SIPA1L1: variants seen among roughly 807,000 people sequenced by gnomAD.
SIPA1L1 encodes the protein signal induced proliferation associated 1 like 1.
SIPA1L1 carries 26 observed loss-of-function variants against 162.7 expected under a neutral mutation model. That is an observed-to-expected ratio of 0.16 (90% confidence interval 0.12 to 0.22). The LOEUF (loss-of-function observed/expected upper bound fraction) is 0.22. Among genes scored for constraint, SIPA1L1 ranks in the 10% least tolerant of loss-of-function variants. The pLI is 1.00. For synonymous variants in SIPA1L1, 829 were observed against 837.4 expected, an observed-to-expected ratio of 0.99 and a Z score of 0.17; for missense variants, 1,874 against 2,241.0, an observed-to-expected ratio of 0.84 and a Z score of 3.31.
chr14:71,454,876 G>A (rs1471859362), intron 2 of SIPA1L1, among the ~76,000 whole-genome samples: 1 of 152,148 alleles, frequency 6.6e-6, no homozygotes, highest in African/African-American at 2.4e-5. Flanking sequence ...CCCTTTATCT[G>A]CCCTTTTACT....
At chr14:71,699,832 A>C (rs2081949436) in intron 14 of SIPA1L1, among the ~76,000 whole-genome samples, 1 of 152,226 alleles carries the variant, frequency 6.6e-6, no homozygotes, top group Non-Finnish European at 1.5e-5. Flanking sequence ...CCTGCCCTGG[A>C]AAGAACTGGA....
intron 2 of SIPA1L1, among the ~76,000 whole-genome samples, chr14:71,471,188 G>T (rs1040284190): frequency 6.6e-6 from 1 of 152,006 alleles, no homozygotes; most frequent in Non-Finnish European, 1.5e-5. Context: ...AGTGGGAATT[G>T]GGCCAGGTGC....
chr14:71,436,865 A>G (rs949221764), intron 2 of SIPA1L1, among the ~76,000 whole-genome samples: 2 of 151,238 alleles, frequency 1.3e-5, no homozygotes, highest in African/African-American at 4.9e-5. Context: ...CCCGGGTTCA[A>G]GTGATTCTCC....
intron 16 of SIPA1L1, among the ~76,000 whole-genome samples, chr14:71,706,836 C>G (rs575860767): frequency 6.6e-6 from 1 of 152,018 alleles, no homozygotes; most frequent in Non-Finnish European, 1.5e-5. Flanking sequence ...GAGTTTGAGA[C>G]CAGCCTAGCC....
At chr14:71,642,840 T>C (rs925047027) in intron 7 of SIPA1L1, among the ~76,000 whole-genome samples, 3 of 152,068 alleles carry the variant, frequency 2.0e-5, no homozygotes, top group African/African-American at 7.2e-5. Flanking sequence ...AGAAAAGCTT[T>C]GTATTTATGG....
intron 2 of SIPA1L1, among the ~76,000 whole-genome samples, chr14:71,498,628 CA>C (rs2049969849): frequency 6.6e-6 from 1 of 152,170 alleles, no homozygotes; most frequent in Non-Finnish European, 1.5e-5. Flanking sequence ...GCTGAATAAA[CA>C]GTATTCCATG....
intron 8 of SIPA1L1, among the ~76,000 whole-genome samples, chr14:71,655,305 T>C (rs2042965826): frequency 6.6e-6 from 1 of 152,176 alleles, no homozygotes; most frequent in Non-Finnish European, 1.5e-5. Context: ...ATGATGATGT[T>C]CTTTTTTATG....
chr14:71,737,501 A>G (rs2085407667), intron 22 of SIPA1L1, among the ~76,000 whole-genome samples: 3 of 152,080 alleles, frequency 2.0e-5, no homozygotes, highest in African/African-American at 7.2e-5. Context: ...CCTCAGCCAT[A>G]GGACCCTCGG....
chr14:71,401,844 GT>G (rs755393618), intron 2 of SIPA1L1, among the ~76,000 whole-genome samples: 9 of 151,936 alleles, frequency 5.9e-5, no homozygotes, highest in Non-Finnish European at 1.2e-4. Flanking sequence ...TTATTTGTGT[GT>G]TTTTCCAGTT....
intron 2 of SIPA1L1, among the ~76,000 whole-genome samples, chr14:71,395,268 A>G (rs1595205015): frequency 6.6e-6 from 1 of 152,352 alleles, no homozygotes; most frequent in Non-Finnish European, 1.5e-5. Flanking sequence ...CTGGACCGGC[A>G]GAGTCCAGTT....
intron 6 of SIPA1L1, among the ~76,000 whole-genome samples, chr14:71,620,066 A>AGTTT (rs911299927): frequency 8.6e-5 from 13 of 151,886 alleles, no homozygotes; most frequent in South Asian, 2.1e-4. Flanking sequence ...CTAACAGTTT[A>AGTTT]GTTTGTTTGT....
intron 2 of SIPA1L1, among the ~76,000 whole-genome samples, chr14:71,356,175 G>T (rs921777020): frequency 6.6e-6 from 1 of 152,064 alleles, no homozygotes; most frequent in Non-Finnish European, 1.5e-5. Flanking sequence ...CTGGTTGGTG[G>T]AACCTAATTA....
chr14:71,692,264 T>G (rs1180521570), intron 13 of SIPA1L1, among the ~76,000 whole-genome samples: 1 of 152,216 alleles, frequency 6.6e-6, no homozygotes, highest in Admixed American at 6.5e-5. Flanking sequence ...AACATAGATA[T>G]AAGTAGAATT....
At chr14:71,536,402 A>G (rs1441019599) in intron 4 of SIPA1L1, among the ~76,000 whole-genome samples, 1 of 152,188 alleles carries the variant, frequency 6.6e-6, no homozygotes, top group Admixed American at 6.5e-5. Context: ...TGATCCCCAC[A>G]GTTTGTTGTC....
At chr14:71,630,174 A>G (rs2040428072) in intron 7 of SIPA1L1, among the ~76,000 whole-genome samples, 1 of 152,254 alleles carries the variant, frequency 6.6e-6, no homozygotes, top group Non-Finnish European at 1.5e-5. Flanking sequence ...GATGGCTACC[A>G]AATTGATTCC....
chr14:71,335,243 A>G (rs1038783329), intron 2 of SIPA1L1, among the ~76,000 whole-genome samples: 1 of 152,204 alleles, frequency 6.6e-6, no homozygotes, highest in African/African-American at 2.4e-5. Flanking sequence ...CGGAGCTTGC[A>G]GTGAGCCAAG....
chr14:71,353,828 AAG>A (rs2140675960), intron 2 of SIPA1L1, among the ~76,000 whole-genome samples: 1 of 152,174 alleles, frequency 6.6e-6, no homozygotes, highest in East Asian at 1.9e-4. Flanking sequence ...AGCAACTGGA[AAG>A]AGGGGAATTG....
chr14:71,696,213 G>A (rs145457430), intron 13 of SIPA1L1, among the ~76,000 whole-genome samples: 2 of 152,236 alleles, frequency 1.3e-5, no homozygotes, highest in Non-Finnish European at 2.9e-5. Context: ...AGTCTGTATA[G>A]CAACAGCAAG....
At chr14:71,478,535 G>C (rs1486176083) in intron 2 of SIPA1L1, among the ~76,000 whole-genome samples, 1 of 152,118 alleles carries the variant, frequency 6.6e-6, no homozygotes, top group African/African-American at 2.4e-5. Context: ...ATTTCTGTAA[G>C]ATCTGTTTTA....
Sources: allele counts gnomAD v4.1 joint callset (sites outside exome capture counted in the v4.1 genomes callset), GRCh38; gene constraint gnomAD v4.1.1; transcripts MANE v1.5; gene names NCBI Gene and HGNC (gene_info 2026-07-23, HGNC 2026-07-21).